GPR39: variants seen among roughly 807,000 people sequenced by gnomAD.
GPR39 encodes the protein G protein-coupled receptor 39.
A neutral mutation model predicts 18.4 loss-of-function variants in GPR39; 23 were observed. That is an observed-to-expected ratio of 1.25 (90% CI 0.90 to 1.77). GPR39 has a LOEUF of 1.77. Ranked by LOEUF, GPR39 falls within the 40% of genes most tolerant of loss-of-function variation. GPR39 has a pLI of 0.00. For synonymous variants in GPR39, 280 were observed against 257.9 expected (o/e 1.09, Z -0.82); for missense variants, 647 against 602.4 (o/e 1.07, Z -0.78).
In GPR39 at chr2:132,417,050, C is replaced by T; in HGVS notation, c.8C>T (p.Ser3Leu). The part of the protein sequence containing the change: MA[S>L]PSLPGSDCSQ... ...AGCCTGGTGCTCTTTCTCATGGCTTCACCCAGCCTCCCGGGCAGTGACTGC... is the reference window on the plus strand; with the variant it reads ...AGCCTGGTGCTCTTTCTCATGGCTTTACCCAGCCTCCCGGGCAGTGACTGC... The change falls in exon 1 of 2, where the codon TCA (serine) becomes TTA (leucine). Residue 3 changes from serine to leucine, a missense_variant. Ser to Leu is a moderately radical substitution (Grantham distance 145). Around this residue, in one of 3 missense-constraint regions of GPR39, gnomAD observed 61 missense variants for 79.2 expected, o/e 0.77. Coordinates refer to ENST00000329321, the MANE Select transcript of GPR39 (RefSeq NM_001508.3). 1 of 1,613,242 alleles carries T rather than the reference C, an allele frequency of 6.2e-7. No homozygotes were observed. The highest frequency in any genetic ancestry group is 1.1e-5 in the South Asian group (1 of 91,042).
At chr2:132,501,054 G>GTTTTTTTTTTTTTTT (rs55720929) in intron 1 of GPR39, among the ~76,000 whole-genome samples, 5 of 90,322 alleles carry the variant, frequency 5.5e-5, no homozygotes, top group Admixed American at 1.2e-4. Flanking sequence ...TATCTTTTGT[G>GTTTTTTTTTTTTTTT]TTTTTTTTTT....
intron 1 of GPR39, among the ~76,000 whole-genome samples, chr2:132,592,725 G>A (rs1445933387): frequency 1.3e-5 from 2 of 152,196 alleles, no homozygotes; most frequent in Non-Finnish European, 2.9e-5. Flanking sequence ...CTTAGACCAG[G>A]AGGTGGCAGG....
chr2:132,562,862 A>G (rs1222504588), intron 1 of GPR39, among the ~76,000 whole-genome samples: 1 of 152,142 alleles, frequency 6.6e-6, no homozygotes, highest in Non-Finnish European at 1.5e-5. Flanking sequence ...TGAAAGTTCA[A>G]TGAGTTGTTA....
intron 1 of GPR39, among the ~76,000 whole-genome samples, chr2:132,425,387 T>C (rs77465653): frequency 2.0e-5 from 3 of 151,750 alleles, no homozygotes; most frequent in African/African-American, 7.3e-5. Flanking sequence ...CATGCATTGC[T>C]TGAGAGATTG....
intron 1 of GPR39, among the ~76,000 whole-genome samples, chr2:132,566,245 G>T (rs1573671190): frequency 1.4e-5 from 2 of 147,562 alleles, no homozygotes; most frequent in Middle Eastern, 6.8e-3. Flanking sequence ...TTTTGATGGG[G>T]TTGTTTGTTT....
intron 1 of GPR39, among the ~76,000 whole-genome samples, chr2:132,598,375 T>TTC (rs1289443159): frequency 6.6e-6 from 1 of 151,724 alleles, no homozygotes; most frequent in African/African-American, 2.4e-5. Flanking sequence ...ATTTTTTTTT[T>TTC]TTTAAGATAA....
intron 1 of GPR39, among the ~76,000 whole-genome samples, chr2:132,514,539 C>A (rs1344218096): frequency 6.6e-6 from 1 of 152,204 alleles, no homozygotes. Flanking sequence ...GATTTCTTCT[C>A]TCTAGCTCTG....
chr2:132,630,120 A>G (rs569934078), intron 1 of GPR39, among the ~76,000 whole-genome samples: 2 of 152,320 alleles, frequency 1.3e-5, no homozygotes, highest in South Asian at 2.1e-4. Context: ...ATAGACATAG[A>G]CATAGGATAG....
At chr2:132,513,859 G>A (rs561838213) in intron 1 of GPR39, among the ~76,000 whole-genome samples, 5 of 152,264 alleles carry the variant, frequency 3.3e-5, no homozygotes, top group African/African-American at 9.6e-5. Flanking sequence ...GACTATAGGC[G>A]TGCGCCACCA....
chr2:132,626,112 C>T (rs1018518006), intron 1 of GPR39, among the ~76,000 whole-genome samples: 7 of 146,494 alleles, frequency 4.8e-5, no homozygotes, highest in Non-Finnish European at 9.1e-5. Flanking sequence ...AAAAAAAAAA[C>T]AAAAAACTAA....
intron 1 of GPR39, among the ~76,000 whole-genome samples, chr2:132,599,107 G>A (rs1680997725): frequency 6.6e-6 from 1 of 152,134 alleles, no homozygotes; most frequent in South Asian, 2.1e-4. Context: ...TTAACCAGGA[G>A]CTCTCAAGGG....
chr2:132,536,725 A>T (rs1222908867), intron 1 of GPR39, among the ~76,000 whole-genome samples: 1 of 152,104 alleles, frequency 6.6e-6, no homozygotes, highest in Non-Finnish European at 1.5e-5. Context: ...GGTCTCTAAG[A>T]ACTTGTTTTA....
intron 1 of GPR39, among the ~76,000 whole-genome samples, chr2:132,426,466 G>C (rs995586732): frequency 6.6e-6 from 1 of 152,202 alleles, no homozygotes; most frequent in Non-Finnish European, 1.5e-5. Context: ...AGGTTTGGTG[G>C]ATAAGCTGAT....
chr2:132,575,189 GT>G (rs1218698172), intron 1 of GPR39, among the ~76,000 whole-genome samples: 1 of 151,976 alleles, frequency 6.6e-6, no homozygotes, highest in Admixed American at 6.6e-5. Flanking sequence ...GTTTATTGTA[GT>G]TTTATGACAT....
intron 1 of GPR39, among the ~76,000 whole-genome samples, chr2:132,530,695 T>C (rs1679602471): frequency 1.3e-5 from 2 of 152,238 alleles, no homozygotes; most frequent in African/African-American, 4.8e-5. Context: ...TGGGGGCTCA[T>C]ATTCAACATT....
intron 1 of GPR39, among the ~76,000 whole-genome samples, chr2:132,526,860 G>C (rs1418859060): frequency 2.0e-5 from 3 of 152,170 alleles, no homozygotes. Context: ...TAACCCATAA[G>C]GTGACTAACA....
chr2:132,458,158 A>G (rs539154360), intron 1 of GPR39, among the ~76,000 whole-genome samples: 4 of 152,178 alleles, frequency 2.6e-5, no homozygotes, highest in Admixed American at 6.5e-5. Flanking sequence ...ACCAGTCCCA[A>G]TGAGATGAAC....
rs1432305132 is a variant in GPR39, at chr2:132,565,853, A to G, written c.857-79248A>G. Among the ~76,000 whole-genome samples, 556 of 151,382 alleles carry G rather than the reference A, an allele frequency of 3.7e-3. 3 individuals carry two copies. The highest frequency in any genetic ancestry group is 6.2e-3 in the Non-Finnish European group (419 of 67,888). ...CTTTGCTATTGTGAATAATGCTGCA[A>G]TAAACATACATGTGCATGTGTCTTC... On this transcript the variant is annotated intron_variant, in intron 1 of 1. Coordinates refer to ENST00000329321, the MANE Select transcript of GPR39 (RefSeq NM_001508.3).
intron 1 of GPR39, among the ~76,000 whole-genome samples, chr2:132,544,958 A>C (rs573973828): frequency 6.6e-6 from 1 of 152,354 alleles, no homozygotes; most frequent in Non-Finnish European, 1.5e-5. Context: ...CAATTAGGGA[A>C]TGGTAGATAT....
Sources: allele counts gnomAD v4.1 joint callset (sites outside exome capture counted in the v4.1 genomes callset), GRCh38; gene constraint gnomAD v4.1.1; regional missense constraint gnomAD v4.1.1; transcripts MANE v1.5; gene names NCBI Gene and HGNC (gene_info 2026-07-23, HGNC 2026-07-21).